Variants in NBDY observed in about 807,000 individuals in gnomAD.
NBDY encodes negative regulator of P-body association.
chrX:56,806,628 C>A (rs1203803631), intron 2 of NBDY, among the ~76,000 whole-genome samples: 1 of 112,145 alleles, frequency 8.9e-6, no homozygotes, highest in Non-Finnish European at 1.9e-5. Flanking sequence ...CTTGAGAAGT[C>A]TCTGCTCATA....
At chrX:56,761,517 C>T (rs2146722920) in intron 2 of NBDY, among the ~76,000 whole-genome samples, 1 of 113,543 alleles carries the variant, frequency 8.8e-6, no homozygotes, top group African/African-American at 3.2e-5. Flanking sequence ...TGTGAAGCCA[C>T]AGAAGGTCAC....
At chrX:56,812,157 G>A (rs565923266) in intron 2 of NBDY, among the ~76,000 whole-genome samples, 1 of 108,920 alleles carries the variant, frequency 9.2e-6, no homozygotes, top group South Asian at 4.2e-4. Context: ...CTTCTGCATC[G>A]ATCTCGCTGG....
intron 2 of NBDY, among the ~76,000 whole-genome samples, chrX:56,815,405 A>G (rs2069906297): frequency 8.9e-6 from 1 of 111,834 alleles, no homozygotes; most frequent in African/African-American, 3.2e-5. Flanking sequence ...TTAAAATTCT[A>G]TTAAGGTACA....
rs746418957 is a variant in NBDY, at chrX:56,758,701, G to A, written c.*166+26502G>A. Among the ~76,000 whole-genome samples the A allele has an allele frequency of 7.2e-5, 8 of 111,830 alleles. No individual in the cohort carries two copies. The South Asian group carries it at 2.6e-3, about 37-fold the overall frequency. ...CCCGGCAGTGCTCAGTTTCTCCTGG[G>A]CCCCTCTGTGTTCCTGTGGTGGGTG... On this transcript the variant is annotated intron_variant, in intron 2 of 2. Coordinates refer to ENST00000374922, the MANE Select transcript of NBDY (RefSeq NM_001348129.2).
chrX:56,759,742 GCC>G (rs2069628639), intron 2 of NBDY, among the ~76,000 whole-genome samples: 1 of 111,678 alleles, frequency 9.0e-6, no homozygotes, highest in Non-Finnish European at 1.9e-5. Context: ...CTGGCCCTTG[GCC>G]TGTGCTTATT....
At chrX:56,812,297 G>A (rs1179734514) in intron 2 of NBDY, among the ~76,000 whole-genome samples, 1 of 110,332 alleles carries the variant, frequency 9.1e-6, no homozygotes, top group African/African-American at 3.3e-5. Flanking sequence ...ACATCATTAG[G>A]GAGAACATGC....
chrX:56,792,177 G>A (rs1438307265), intron 2 of NBDY, among the ~76,000 whole-genome samples: 3 of 110,962 alleles, frequency 2.7e-5, no homozygotes, highest in Non-Finnish European at 3.8e-5. Flanking sequence ...AAGGTCATCA[G>A]TTTAGTCCCT....
At chrX:56,801,196 CTTG>C (rs1484953797) in intron 2 of NBDY, among the ~76,000 whole-genome samples, 1 of 112,037 alleles carries the variant, frequency 8.9e-6, no homozygotes, top group African/African-American at 3.2e-5. Context: ...CTCTTTGCCT[CTTG>C]TTGTGTATGC....
chrX:56,730,513 C>CA (rs1157131797), intron 1 of NBDY, among the ~76,000 whole-genome samples: 129 of 11,199 alleles, frequency 0.012, 10 homozygotes, highest in East Asian at 0.03. Context: ...AACTACGTCT[C>CA]AAAAAAAAAA....
chrX:56,796,937 C>T (rs1336317147), intron 2 of NBDY, among the ~76,000 whole-genome samples: 2 of 111,935 alleles, frequency 1.8e-5, no homozygotes, highest in Non-Finnish European at 3.8e-5. Context: ...TCAGGTCCCC[C>T]TGAACTAGAT....
intron 2 of NBDY, among the ~76,000 whole-genome samples, chrX:56,787,623 C>T (rs1187623341): frequency 4.5e-5 from 5 of 112,243 alleles, no homozygotes; most frequent in African/African-American, 9.7e-5. Context: ...AAAGGGACCC[C>T]ACTTTGGGGT....
chrX:56,762,272 CTCTTTTCTTT>C (rs748941351), intron 2 of NBDY, among the ~76,000 whole-genome samples: 1 of 110,943 alleles, frequency 9.0e-6, no homozygotes, highest in African/African-American at 3.3e-5. Context: ...CTCTTTCTTT[CTCTTTTCTTT>C]TCTTTTCTTT....
intron 2 of NBDY, among the ~76,000 whole-genome samples, chrX:56,791,950 G>A (rs1267353710): frequency 1.2e-4 from 11 of 91,900 alleles, no homozygotes; most frequent in Admixed American, 3.7e-4. Context: ...CTTCTTCTTC[G>A]TCCTCCTCCT....
At chrX:56,755,690 G>A (rs1320609050) in intron 2 of NBDY, among the ~76,000 whole-genome samples, 3 of 110,567 alleles carry the variant, frequency 2.7e-5, no homozygotes, top group Non-Finnish European at 5.7e-5. Context: ...TACACTGTTG[G>A]TGGGACTGTA....
At chrX:56,763,650 C>T (rs1248942027) in intron 2 of NBDY, among the ~76,000 whole-genome samples, 1 of 111,894 alleles carries the variant, frequency 8.9e-6, no homozygotes. Context: ...ACTTTCTGCA[C>T]GGGCAAGAGC....
chrX:56,794,077 A>T (rs989374137), intron 2 of NBDY, among the ~76,000 whole-genome samples: 1 of 112,197 alleles, frequency 8.9e-6, no homozygotes. Flanking sequence ...CTGTGGGTTG[A>T]CTGGTCTGCA....
chrX:56,784,864 C>G (rs1569289460), intron 2 of NBDY, among the ~76,000 whole-genome samples: 1 of 112,283 alleles, frequency 8.9e-6, no homozygotes, highest in African/African-American at 3.2e-5. Flanking sequence ...TCTTGGGATG[C>G]GAAGCCATGA....
intron 2 of NBDY, among the ~76,000 whole-genome samples, chrX:56,783,517 G>A (rs1187480465): frequency 1.8e-5 from 2 of 112,352 alleles, no homozygotes; most frequent in Non-Finnish European, 3.8e-5. Flanking sequence ...CGGGTCTTCA[G>A]GCTGCCTGGC....
chrX:56,737,374 G>A (rs1381498279), intron 2 of NBDY: 3 of 670,969 alleles, frequency 4.5e-6, no homozygotes, highest in Non-Finnish European at 7.3e-6. Flanking sequence ...TCATGGTCAG[G>A]TCCAATGCAC....
Sources: gnomAD v4.1 joint callset for allele counts (sites outside exome capture counted in the v4.1 genomes callset) on GRCh38, gnomAD v4.1.1 for gene constraint, MANE v1.5 for transcripts, NCBI Gene and HGNC (gene_info 2026-07-23, HGNC 2026-07-21) for gene names.